ELSPBP1: variants seen among roughly 807,000 people sequenced by gnomAD.
ELSPBP1 encodes epididymal sperm binding protein 1.
Under a neutral mutation model 33.3 loss-of-function variants are expected in ELSPBP1, and 38 were observed. The observed-to-expected ratio is 1.14, with a 90% CI of 0.88 to 1.50. The LOEUF (loss-of-function observed/expected upper bound fraction) is 1.50. ELSPBP1 is among the 40% of genes most tolerant of loss of function. The pLI is 0.00. For synonymous variants in ELSPBP1, 85 were observed against 94.1 expected (o/e 0.90, Z 0.56); for missense variants, 267 against 263.5 (o/e 1.01, Z -0.09).
chr19:48,014,358 C>G, intron 3 of ELSPBP1, 50 bp downstream of exon 3: 1 of 1,586,060 alleles, frequency 6.3e-7, no homozygotes, highest in South Asian at 1.1e-5. Context: ...TAGGGTGGAT[C>G]ACAAAAGAGA....
intron 3 of ELSPBP1, among the ~76,000 whole-genome samples, chr19:48,015,204 G>C (rs1967118972): frequency 6.6e-6 from 1 of 152,200 alleles, no homozygotes; most frequent in African/African-American, 2.4e-5. Context: ...AGTGGGAATG[G>C]ATCAGCATAA....
intron 6 of ELSPBP1, among the ~76,000 whole-genome samples, chr19:48,024,336 G>A (rs183568281): frequency 1.8e-4 from 27 of 152,132 alleles, no homozygotes; most frequent in African/African-American, 5.8e-4. Flanking sequence ...TAAATCTCCC[G>A]CATGGATCAA....
intron 6 of ELSPBP1, among the ~76,000 whole-genome samples, chr19:48,022,556 G>T (rs1462409466): frequency 1.3e-5 from 2 of 152,206 alleles, no homozygotes; most frequent in African/African-American, 4.8e-5. Flanking sequence ...AGTTGGGGAA[G>T]ACTGGAACAA....
chr19:47,999,822 AT>A (rs112563506), intron 1 of ELSPBP1, among the ~76,000 whole-genome samples: 1,758 of 136,888 alleles, frequency 0.013, 24 homozygotes, highest in East Asian at 0.093. Context: ...CACATACGTG[AT>A]TTTTTTTTTT....
chr19:48,022,091 G>A, intron 5 of ELSPBP1, 79 bp from the exon 6 acceptor site: 1 of 1,327,104 alleles, frequency 7.5e-7, no homozygotes, highest in Non-Finnish European at 1.0e-6. Context: ...TGAAATCTAG[G>A]GTGGGCCTGA....
At chr19:48,013,813 G>C (rs1274499614) in intron 2 of ELSPBP1, among the ~76,000 whole-genome samples, 1 of 152,152 alleles carries the variant, frequency 6.6e-6, no homozygotes, top group Non-Finnish European at 1.5e-5. Flanking sequence ...TCTGGAGGCT[G>C]AGAAGTCCAA....
In ELSPBP1 at chr19:48,015,960, C is replaced by A; in HGVS notation, c.276C>A (p.Gly92=). The change falls in exon 4 of 7, where the codon GGC becomes GGA. Residue 92 remains glycine (G), a synonymous_variant. Transcript: ENST00000339841. Reference sequence around the variant, plus strand: ...CTTATAACAGCTGCATCTCCCAGGGCAGCTTCTTAGGCAGTCTGTGGTGCT... The same window carrying A: ...CTTATAACAGCTGCATCTCCCAGGGAAGCTTCTTAGGCAGTCTGTGGTGCT... ...GKAYNSCISQ[G]SFLGSLWCSV... 3 of 1,614,050 alleles carry A rather than the reference C, an allele frequency of 1.9e-6. No individual in the cohort carries two copies. The highest frequency in any genetic ancestry group is 1.1e-5 in the South Asian group (1 of 91,064).
At chr19:48,012,483 AAAG>A (rs1293780539) in intron 2 of ELSPBP1, among the ~76,000 whole-genome samples, 1 of 152,316 alleles carries the variant, frequency 6.6e-6, no homozygotes, top group African/African-American at 2.4e-5. Context: ...TTTTGAAAAA[AAAG>A]AAGGACAACT....
chr19:48,016,520 CT>C (rs1271302471), intron 4 of ELSPBP1, among the ~76,000 whole-genome samples: 6 of 82,940 alleles, frequency 7.2e-5, no homozygotes, highest in African/African-American at 1.2e-4. Flanking sequence ...TTCTTTCTTT[CT>C]TTCTTTCTTC....
chr19:48,022,508 C>T (rs1288849793), intron 6 of ELSPBP1, 174 bp downstream of exon 6: 1 of 492,212 alleles, frequency 2.0e-6, no homozygotes, highest in Non-Finnish European at 3.4e-6. Flanking sequence ...AGCTGAGGTT[C>T]CCAGCAATGC....
chr19:48,000,421 A>G (rs1037227533), intron 1 of ELSPBP1, among the ~76,000 whole-genome samples: 1 of 151,708 alleles, frequency 6.6e-6, no homozygotes, highest in Admixed American at 6.6e-5. Flanking sequence ...TTGTATTTTT[A>G]GTAGAGACGT....
intron 2 of ELSPBP1, among the ~76,000 whole-genome samples, chr19:48,013,578 G>A (rs1440945205): frequency 3.3e-5 from 5 of 152,084 alleles, no homozygotes; most frequent in African/African-American, 7.2e-5. Flanking sequence ...TTTGCTAGGT[G>A]TGGTGGCGGG....
chr19:47,995,303 G>A (rs144757095), intron 1 of ELSPBP1, among the ~76,000 whole-genome samples: 1 of 152,276 alleles, frequency 6.6e-6, no homozygotes, highest in East Asian at 1.9e-4. Context: ...CAGATTCTAT[G>A]AATGATGTAA....
At chr19:48,019,913 G>C (rs1199947097) in intron 5 of ELSPBP1, 36 bp downstream of exon 5, 1 of 1,593,924 alleles carries the variant, frequency 6.3e-7, no homozygotes, top group Non-Finnish European at 8.5e-7. Flanking sequence ...GGTGTGGGTG[G>C]AGTCTTTCTT....
intron 6 of ELSPBP1, 78 bp downstream of exon 6, chr19:48,022,412 G>A (rs972819931): frequency 1.4e-5 from 18 of 1,295,998 alleles, no homozygotes; most frequent in Middle Eastern, 3.9e-4. Flanking sequence ...TCACTGATGC[G>A]AAGGCGAGAT....
At chr19:47,999,329 T>A (rs185524721) in intron 1 of ELSPBP1, among the ~76,000 whole-genome samples, 1 of 151,654 alleles carries the variant, frequency 6.6e-6, no homozygotes, top group African/African-American at 2.4e-5. Context: ...TGTTGCACCA[T>A]CATCACCATT....
chr19:48,021,716 T>C (rs150658453), intron 5 of ELSPBP1, among the ~76,000 whole-genome samples: 16 of 152,124 alleles, frequency 1.1e-4, no homozygotes, highest in African/African-American at 3.9e-4. Flanking sequence ...TCCCAAAGTG[T>C]TGGGATTACA....
Position 48,016,034 on chromosome 19 carries a change from C to T in ELSPBP1, c.350C>T (p.Thr117Met), listed in dbSNP as rs145971035. 106 of 1,613,034 alleles carry T rather than the reference C, an allele frequency of 6.6e-5. No individual in the cohort carries two copies. Among genetic ancestry groups the T allele is most frequent in the African/African-American group, 1.1e-4 (8 of 75,004 alleles). ...AAACAGCAGTGGAAATTCTGTGAAA[C>T]GAATGGTGAGCCCCTGTAGCAGGGA... ...DEKQQWKFCETNEYGGNSLRK... is the reference protein window; with the variant it reads ...DEKQQWKFCEMNEYGGNSLRK... Residue 117 changes from threonine (T) to methionine (M), a missense_variant, in exon 4 of 7, where the codon ACG becomes ATG. Thr to Met is a moderately conservative substitution (Grantham distance 81). Coordinates refer to ENST00000339841, the MANE Select transcript of ELSPBP1 (RefSeq NM_022142.5).
chr19:48,001,140 A>C (rs1966963036), intron 1 of ELSPBP1, among the ~76,000 whole-genome samples: 1 of 149,418 alleles, frequency 6.7e-6, no homozygotes, highest in South Asian at 2.1e-4. Context: ...TTCTGTTGTC[A>C]CACCTGGTTT....
Sources: gnomAD v4.1 joint callset for allele counts (sites outside exome capture counted in the v4.1 genomes callset) on GRCh38, gnomAD v4.1.1 for gene constraint, MANE v1.5 for transcripts, NCBI Gene and HGNC (gene_info 2026-07-23, HGNC 2026-07-21) for gene names.